Variants in DPYD observed in about 807,000 individuals in gnomAD.
DPYD encodes dihydropyrimidine dehydrogenase [NADP(+)].
Under a neutral mutation model 116.2 loss-of-function variants are expected in DPYD, and 109 were observed. The ratio of observed to expected loss-of-function variants is 0.94; its 90% CI spans 0.80 to 1.10. DPYD has a LOEUF of 1.10. Ranked by LOEUF, DPYD falls within the 50% of genes least tolerant of loss-of-function variation. DPYD has a pLI of 0.00. For missense variants in DPYD, 1,302 were observed against 1,254.5 expected, an observed-to-expected ratio of 1.04 and a Z score of -0.57; for synonymous variants, 440 against 432.0, an observed-to-expected ratio of 1.02 and a Z score of -0.23.
At chr1:97,212,156 C>G (rs1235619178) in intron 19 of DPYD, among the ~76,000 whole-genome samples, 1 of 152,076 alleles carries the variant, frequency 6.6e-6, no homozygotes, top group Non-Finnish European at 1.5e-5. Context: ...TGCAGCATCA[C>G]CACAACCTGG....
intron 3 of DPYD, among the ~76,000 whole-genome samples, chr1:97,792,271 T>C (rs1404429560): frequency 6.6e-6 from 1 of 151,838 alleles, no homozygotes; most frequent in Non-Finnish European, 1.5e-5. Flanking sequence ...CTTTTATTTT[T>C]TTATTTTATT....
At chr1:97,403,599 T>C (rs1163115570) in intron 14 of DPYD, among the ~76,000 whole-genome samples, 4 of 152,008 alleles carry the variant, frequency 2.6e-5, no homozygotes, top group African/African-American at 9.7e-5. Context: ...GGGCATGGAG[T>C]TGTTCATAGC....
chr1:97,814,918 A>AAGAAAGAGG (rs1553245496), intron 3 of DPYD, among the ~76,000 whole-genome samples: 2,573 of 85,480 alleles, frequency 0.03, 78 homozygotes, highest in Non-Finnish European at 0.043. Context: ...AAAAAAAAAA[A>AAGAAAGAGG]AAAGAAAGAG....
intron 1 of DPYD, among the ~76,000 whole-genome samples, chr1:97,895,696 A>C (rs917124721): frequency 6.6e-6 from 1 of 151,720 alleles, no homozygotes; most frequent in African/African-American, 2.4e-5. Context: ...GGGTGAGTTG[A>C]GGAGTTGGAC....
intron 13 of DPYD, among the ~76,000 whole-genome samples, chr1:97,508,374 G>A (rs1286068836): frequency 6.6e-6 from 1 of 152,004 alleles, no homozygotes; most frequent in African/African-American, 2.4e-5. Context: ...CAGGGAGGAA[G>A]TTGCCATGTT....
chr1:97,701,626 C>T (rs1287890556), intron 5 of DPYD, among the ~76,000 whole-genome samples: 1 of 151,748 alleles, frequency 6.6e-6, no homozygotes, highest in Non-Finnish European at 1.5e-5. Context: ...TTTTCTTAAC[C>T]TCATCCCACA....
At chr1:97,617,149 T>C (rs2100761401) in intron 8 of DPYD, among the ~76,000 whole-genome samples, 1 of 152,286 alleles carries the variant, frequency 6.6e-6, no homozygotes, top group Non-Finnish European at 1.5e-5. Context: ...TTCCCACATA[T>C]TCAGATGGGG....
intron 3 of DPYD, among the ~76,000 whole-genome samples, chr1:97,752,433 G>A (rs919590892): frequency 1.3e-4 from 20 of 151,864 alleles, no homozygotes; most frequent in African/African-American, 4.6e-4. Context: ...TATTCAGCAC[G>A]AATTTTTTTC....
chr1:97,728,748 G>A (rs1462933936), intron 4 of DPYD, among the ~76,000 whole-genome samples: 1 of 152,050 alleles, frequency 6.6e-6, no homozygotes, highest in African/African-American at 2.4e-5. Context: ...AATGGTGAAT[G>A]TACTGATGTA....
chr1:97,494,168 A>T (rs1436075736), intron 13 of DPYD, among the ~76,000 whole-genome samples: 2 of 152,202 alleles, frequency 1.3e-5, no homozygotes, highest in African/African-American at 4.8e-5. Context: ...TGGTATACAG[A>T]TAACTCTAAA....
At chr1:97,842,793 G>A (rs1249275126) in intron 2 of DPYD, among the ~76,000 whole-genome samples, 1 of 152,020 alleles carries the variant, frequency 6.6e-6, no homozygotes, top group African/African-American at 2.4e-5. Flanking sequence ...AAGTTATGAA[G>A]AGAAAATCTA....
At chr1:97,350,583 G>A (rs1448622931) in intron 16 of DPYD, among the ~76,000 whole-genome samples, 4 of 152,098 alleles carry the variant, frequency 2.6e-5, no homozygotes, top group African/African-American at 7.2e-5. Context: ...TATTATTGGA[G>A]CAGTTGTGTT....
intron 19 of DPYD, among the ~76,000 whole-genome samples, chr1:97,207,469 A>G (rs1659716695): frequency 1.3e-5 from 2 of 152,176 alleles, no homozygotes; most frequent in Admixed American, 6.6e-5. Flanking sequence ...AAGCCTGTGT[A>G]TAGATTTTTG....
chr1:97,908,923 T>A (rs1392404364), intron 1 of DPYD, among the ~76,000 whole-genome samples: 1 of 152,120 alleles, frequency 6.6e-6, no homozygotes, highest in African/African-American at 2.4e-5. Flanking sequence ...CAAGCAAAAC[T>A]AATCCACTTA....
chr1:97,257,435 G>GTATATATATATA (rs60425146), intron 18 of DPYD, among the ~76,000 whole-genome samples: 31 of 136,136 alleles, frequency 2.3e-4, no homozygotes, highest in African/African-American at 7.6e-4. Flanking sequence ...ATATACATAC[G>GTATATATATATA]TATATATATA....
intron 20 of DPYD, among the ~76,000 whole-genome samples, chr1:97,134,256 T>G (rs1267048193): frequency 6.6e-6 from 1 of 151,704 alleles, no homozygotes; most frequent in East Asian, 1.9e-4. Flanking sequence ...ATTGAGTTAT[T>G]AATGTATTTC....
At chr1:97,866,473 G>A (rs185311073) in intron 2 of DPYD, among the ~76,000 whole-genome samples, 3 of 152,058 alleles carry the variant, frequency 2.0e-5, no homozygotes, top group African/African-American at 7.2e-5. Flanking sequence ...TAGTAGCATA[G>A]TTTAGTCTCT....
intron 16 of DPYD, among the ~76,000 whole-genome samples, chr1:97,343,136 T>G (rs975704350): frequency 7.3e-5 from 11 of 151,472 alleles, no homozygotes; most frequent in Non-Finnish European, 1.2e-4. Flanking sequence ...CCCAGCTATC[T>G]TCTATGAACT....
intron 12 of DPYD, among the ~76,000 whole-genome samples, chr1:97,533,974 C>G (rs987226834): frequency 2.0e-5 from 3 of 152,178 alleles, no homozygotes; most frequent in African/African-American, 7.2e-5. Flanking sequence ...AACACCAGAT[C>G]TTTTAGTAGT....
Sources: gnomAD v4.1 joint callset for allele counts (sites outside exome capture counted in the v4.1 genomes callset) on GRCh38, gnomAD v4.1.1 for gene constraint, MANE v1.5 for transcripts, NCBI Gene and HGNC (gene_info 2026-07-23, HGNC 2026-07-21) for gene names.